SLC6A20: variants seen among roughly 807,000 people sequenced by gnomAD.
The protein encoded by SLC6A20 is sodium- and chloride-dependent transporter XTRP3.
Under a neutral mutation model 64.3 loss-of-function variants are expected in SLC6A20, and 73 were observed. That is an observed-to-expected ratio of 1.14 (90% CI 0.94 to 1.38). The LOEUF is 1.38. Ranked by LOEUF, SLC6A20 falls within the 40% of genes most tolerant of loss-of-function variation. SLC6A20 has a pLI of 0.00. For missense variants in SLC6A20, 725 were observed against 772.8 expected, an observed-to-expected ratio of 0.94 and a Z score of 0.73; for synonymous variants, 347 against 329.6, an observed-to-expected ratio of 1.05 and a Z score of -0.57.
intron 3 of SLC6A20, among the ~76,000 whole-genome samples, chr3:45,777,502 T>A (rs368566886): frequency 6.6e-6 from 1 of 152,346 alleles, no homozygotes; most frequent in East Asian, 1.9e-4. Flanking sequence ...CGATGCAAGC[T>A]GACCAACTGA....
intron 1 of SLC6A20, among the ~76,000 whole-genome samples, chr3:45,792,855 A>C (rs1278873039): frequency 1.5e-4 from 23 of 152,148 alleles, no homozygotes. Flanking sequence ...CAGTTGTTAA[A>C]CATTTACTGG....
intron 1 of SLC6A20, among the ~76,000 whole-genome samples, chr3:45,795,662 G>A (rs180984941): frequency 6.6e-6 from 1 of 152,234 alleles, no homozygotes; most frequent in African/African-American, 2.4e-5. Context: ...GCAACGCTAG[G>A]GGAGTGCGGT....
chr3:45,779,049 C>A (rs1408565219), intron 3 of SLC6A20, among the ~76,000 whole-genome samples: 1 of 152,212 alleles, frequency 6.6e-6, no homozygotes, highest in Non-Finnish European at 1.5e-5. Context: ...CCCAAGCACC[C>A]CAGAGGCAAA....
At chr3:45,766,171 G>T (rs1166198364) in intron 7 of SLC6A20, among the ~76,000 whole-genome samples, 3 of 152,238 alleles carry the variant, frequency 2.0e-5, no homozygotes, top group Non-Finnish European at 4.4e-5. Flanking sequence ...CAGGCAACCA[G>T]GAGGGGCAGG....
At chr3:45,794,657 G>A (rs1700317881) in intron 1 of SLC6A20, among the ~76,000 whole-genome samples, 2 of 152,142 alleles carry the variant, frequency 1.3e-5, no homozygotes, top group South Asian at 4.1e-4. Context: ...GACTATTCAG[G>A]TGATGGTGGT....
intron 3 of SLC6A20, among the ~76,000 whole-genome samples, chr3:45,779,499 A>G (rs56118314): frequency 0.05 from 7,662 of 152,240 alleles, 533 homozygotes; most frequent in African/African-American, 0.15. Flanking sequence ...TGGTCCTTCT[A>G]GGAGAACTTA....
intron 4 of SLC6A20, among the ~76,000 whole-genome samples, chr3:45,773,875 A>T (rs750459845): frequency 6.6e-6 from 1 of 152,246 alleles, no homozygotes; most frequent in African/African-American, 2.4e-5. Flanking sequence ...ACCCAAGATT[A>T]TAAGAAACCA....
intron 4 of SLC6A20, among the ~76,000 whole-genome samples, chr3:45,772,881 C>T (rs1353346406): frequency 6.6e-6 from 1 of 152,106 alleles, no homozygotes; most frequent in African/African-American, 2.4e-5. Context: ...CGAGCCTCTG[C>T]CTTCCACCCT....
Position 45,771,210 on chromosome 3 carries a change from G to A in SLC6A20, c.935+7C>T. The A allele has an allele frequency of 6.2e-7, 1 of 1,614,114 alleles. No individual in the cohort carries two copies. Among genetic ancestry groups the A allele is most frequent in the East Asian group, 2.2e-5 (1 of 44,864 alleles). On this transcript the variant is annotated splice_region_variant and intron_variant, in intron 6 of 10. Coordinates refer to ENST00000358525, the MANE Select transcript of SLC6A20 (RefSeq NM_020208.4). The stretch of plus-strand genomic sequence containing the variant: ...GCCTGGGACTCGGTGGGACAGCCCA[G>A]GCTTACTTCTTCAAGCAGTTTTCAT...
At chr3:45,768,716 C>A (rs1403657521) in intron 7 of SLC6A20, among the ~76,000 whole-genome samples, 3 of 152,164 alleles carry the variant, frequency 2.0e-5, no homozygotes, top group Admixed American at 6.5e-5. Flanking sequence ...CCCAACCAAC[C>A]AACCACCCCA....
At chr3:45,774,730 T>C (rs1208271265) in intron 4 of SLC6A20, among the ~76,000 whole-genome samples, 1 of 152,030 alleles carries the variant, frequency 6.6e-6, no homozygotes, top group Non-Finnish European at 1.5e-5. Context: ...TGAGGACAGG[T>C]GGGCTCCTAG....
chr3:45,760,197 G>A (rs1232636097), intron 9 of SLC6A20, among the ~76,000 whole-genome samples, 175 bp from the exon 10 acceptor site: 1 of 152,232 alleles, frequency 6.6e-6, no homozygotes, highest in African/African-American at 2.4e-5. Context: ...GCTGCGGTGG[G>A]GAGGGGAGAA....
At chr3:45,781,797 T>C (rs1443190380) in intron 2 of SLC6A20, among the ~76,000 whole-genome samples, 1 of 152,100 alleles carries the variant, frequency 6.6e-6, no homozygotes, top group East Asian at 1.9e-4. Flanking sequence ...CTGTTTCCCT[T>C]TTACAGGTGA....
intron 1 of SLC6A20, among the ~76,000 whole-genome samples, chr3:45,795,973 C>A (rs907785420): frequency 1.3e-5 from 2 of 152,072 alleles, no homozygotes; most frequent in African/African-American, 4.8e-5. Context: ...AGACGTCAGA[C>A]CATTGACACT....
rs760771230 is a variant in SLC6A20 at position 45,775,978 on chromosome 3, G to C, written c.365C>G (p.Pro122Arg). 2 of 1,614,124 alleles carry C rather than the reference G, an allele frequency of 1.2e-6. No homozygotes were observed. Among genetic ancestry groups the C allele is most frequent in the Admixed American group, 1.7e-5 (1 of 60,024 alleles). The change falls in exon 4 of 11, where the codon CCG (proline) becomes CGG (arginine). Residue 122 changes from proline to arginine, a missense_variant. By Grantham distance (103) the Pro-to-Arg change is moderately radical. Transcript: ENST00000358525. ...ACCATTCAGTGGGCAGACAGACCAC[G>C]GCAGGGGATCCTGTGGGACCAAAGC... ...YLFHSFQDPL[P>R]WSVCPLNGNH...
chr3:45,783,072 T>C (rs1027464945), intron 1 of SLC6A20, among the ~76,000 whole-genome samples: 1 of 152,238 alleles, frequency 6.6e-6, no homozygotes, highest in African/African-American at 2.4e-5. Context: ...CCACATGAGG[T>C]AGTGTATGAA....
At chr3:45,783,684 GC>G (rs1424929641) in intron 1 of SLC6A20, among the ~76,000 whole-genome samples, 1 of 152,238 alleles carries the variant, frequency 6.6e-6, no homozygotes, top group Non-Finnish European at 1.5e-5. Context: ...ACCAGGCAGA[GC>G]CCCCATGGCC....
At chr3:45,770,071 C>T (rs1699834498) in intron 7 of SLC6A20, 138 bp downstream of exon 7, 5 of 1,143,544 alleles carry the variant, frequency 4.4e-6, no homozygotes, top group African/African-American at 1.5e-5. Context: ...CTCTCTTCCC[C>T]TTGGAGTTGC....
At chr3:45,760,818 A>T (rs979202136) in intron 9 of SLC6A20, among the ~76,000 whole-genome samples, 1 of 152,226 alleles carries the variant, frequency 6.6e-6, no homozygotes, top group Non-Finnish European at 1.5e-5. Context: ...GAAACTCCCC[A>T]TTTCACACAG....
Sources: allele counts gnomAD v4.1 joint callset (sites outside exome capture counted in the v4.1 genomes callset), GRCh38; gene constraint gnomAD v4.1.1; transcripts MANE v1.5; gene names NCBI Gene and HGNC (gene_info 2026-07-23, HGNC 2026-07-21).